Variants in DENND6A observed in about 807,000 individuals in gnomAD.
DENND6A encodes DENN domain containing 6A, also known as protein DENND6A.
A neutral mutation model predicts 95.5 loss-of-function variants in DENND6A; 43 were observed. The ratio of observed to expected loss-of-function variants is 0.45; its 90% CI spans 0.35 to 0.58. The LOEUF is 0.58. Ranked by LOEUF, DENND6A falls within the 20% of genes least tolerant of loss-of-function variation. The pLI is 0.00. For synonymous variants in DENND6A, 257 were observed against 260.4 expected, an observed-to-expected ratio of 0.99 and a Z score of 0.13; for missense variants, 574 against 736.0, an observed-to-expected ratio of 0.78 and a Z score of 2.55.
At chr3:57,646,725 G>T (rs1286549033) in intron 9 of DENND6A, among the ~76,000 whole-genome samples, 1 of 152,106 alleles carries the variant, frequency 6.6e-6, no homozygotes, top group East Asian at 1.9e-4. Flanking sequence ...TTCTCAAATT[G>T]TTGTACCATA....
intron 11 of DENND6A, among the ~76,000 whole-genome samples, 156 bp downstream of exon 11, chr3:57,645,505 G>A (rs2071060302): frequency 6.6e-6 from 1 of 151,894 alleles, no homozygotes; most frequent in Non-Finnish European, 1.5e-5. Context: ...GCTCAAATAA[G>A]GTACTAACTC....
chr3:57,644,788 GGGGAGGGGAGGGGTGGGGAGGGGA>G, intron 11 of DENND6A, among the ~76,000 whole-genome samples: 1 of 10,960 alleles, frequency 9.1e-5, no homozygotes, highest in Non-Finnish European at 1.5e-4. Context: ...GGGGAGGGGT[GGGGAGGGGAGGGGTGGGGAGGGGA>G]GGGGAGGGGG....
intron 3 of DENND6A, among the ~76,000 whole-genome samples, chr3:57,671,124 GA>G (rs1249555398): frequency 1.3e-5 from 2 of 151,974 alleles, no homozygotes; most frequent in East Asian, 3.9e-4. Context: ...AAATGGATAG[GA>G]AAAAAATTCT....
At chr3:57,684,859 T>C (rs1339733766) in intron 1 of DENND6A, among the ~76,000 whole-genome samples, 1 of 152,036 alleles carries the variant, frequency 6.6e-6, no homozygotes, top group Non-Finnish European at 1.5e-5. Flanking sequence ...ATCTCAACAC[T>C]TTGGGAGGTG....
intron 9 of DENND6A, among the ~76,000 whole-genome samples, chr3:57,648,947 C>T (rs917301042): frequency 6.6e-6 from 1 of 152,144 alleles, no homozygotes; most frequent in Admixed American, 6.6e-5. Flanking sequence ...CCCATCCAGG[C>T]ATAAACCTAG....
intron 8 of DENND6A, among the ~76,000 whole-genome samples, chr3:57,658,219 G>C (rs2071363251): frequency 6.6e-6 from 1 of 151,042 alleles, no homozygotes; most frequent in African/African-American, 2.4e-5. Context: ...CTAGGTGACA[G>C]AGCGAGACTC....
chr3:57,630,598 A>C, intron 17 of DENND6A, 75 bp from the exon 18 acceptor site: 1 of 1,524,638 alleles, frequency 6.6e-7, no homozygotes, highest in Non-Finnish European at 8.8e-7. Context: ...TCCTAGTCAG[A>C]GAACCATGTC....
In DENND6A at chr3:57,693,047, T is replaced by C; in HGVS notation, c.-29A>G. The stretch of plus-strand genomic sequence containing the variant: ...CCGCCCCCTGACCGTTCGCGCCGCC[T>C]CCACAGCGGACCGCGCCGCAGAGCG... On this transcript the variant is annotated 5_prime_UTR_variant, in exon 1 of 20. Coordinates refer to ENST00000311128, the MANE Select transcript of DENND6A (RefSeq NM_152678.3). 7.3e-7 allele frequency: 1 copy of C among 1,369,222 alleles called. No homozygotes were observed. Among genetic ancestry groups the C allele is most frequent in the Non-Finnish European group, 9.4e-7 (1 of 1,068,634 alleles). 84.8% of individuals were successfully genotyped at this position (1,369,222 alleles called of 1,614,324 possible).
intron 12 of DENND6A, among the ~76,000 whole-genome samples, chr3:57,636,773 C>T (rs371765936): frequency 1.3e-5 from 2 of 151,662 alleles, no homozygotes; most frequent in Non-Finnish European, 2.9e-5. Flanking sequence ...CCTGTCTCCA[C>T]TAAAAATACA....
At chr3:57,677,215 A>G (rs1200775055) in intron 1 of DENND6A, among the ~76,000 whole-genome samples, 2 of 152,156 alleles carry the variant, frequency 1.3e-5, no homozygotes, top group Non-Finnish European at 2.9e-5. Flanking sequence ...TAAGGCTCTA[A>G]TGGTACCTTC....
At chr3:57,656,008 T>G (rs774200533) in intron 9 of DENND6A, among the ~76,000 whole-genome samples, 25 of 152,244 alleles carry the variant, frequency 1.6e-4, no homozygotes, top group Non-Finnish European at 3.1e-4. Flanking sequence ...TAATATTTAT[T>G]CATTTTGGGG....
At chr3:57,646,246 A>G in intron 10 of DENND6A, 70 bp downstream of exon 10, 1 of 1,541,542 alleles carries the variant, frequency 6.5e-7, no homozygotes, top group Non-Finnish European at 8.7e-7. Flanking sequence ...AGTGCTGCAA[A>G]TATCACCAAC....
chr3:57,673,217 A>C (rs1236554066), intron 1 of DENND6A, among the ~76,000 whole-genome samples: 25 of 149,496 alleles, frequency 1.7e-4, no homozygotes, highest in Admixed American at 6.0e-4. Flanking sequence ...TCGTATCAAA[A>C]AAAAAAAAAA....
rs1206882170 is a variant in DENND6A, at chr3:57,653,941, C to CTTTTTTTTT, written c.818+3730_818+3738dup. Among the ~76,000 whole-genome samples the CTTTTTTTTT allele has an allele frequency of 1.8e-4, 14 of 75,838 alleles. 2 individuals are homozygous for CTTTTTTTTT. Among genetic ancestry groups the CTTTTTTTTT allele is most frequent in the African/African-American group, 2.4e-4 (4 of 16,404 alleles). The allele number at this position is 75,838 out of a possible 152,430, so 49.8% of individuals were successfully genotyped here. A position where few individuals can be genotyped will look rare whatever the true frequency, so the allele number is the denominator to read the frequency against. ...CCTTGGGAAAATAATTAGAAATTCA[C>CTTTTTTTTT]TTTTTTTTTTTTTTTTTTTTTTTTG... On this transcript the variant is annotated intron_variant, in intron 9 of 19. Coordinates refer to ENST00000311128, the MANE Select transcript of DENND6A (RefSeq NM_152678.3).
intron 3 of DENND6A, among the ~76,000 whole-genome samples, chr3:57,671,262 C>G: frequency 6.6e-6 from 1 of 152,120 alleles, no homozygotes; most frequent in South Asian, 2.1e-4. Context: ...TGGTGGCTCA[C>G]GCCTGTAATC....
chr3:57,686,498 T>C (rs1245078388), intron 1 of DENND6A, among the ~76,000 whole-genome samples: 2 of 152,230 alleles, frequency 1.3e-5, no homozygotes, highest in Non-Finnish European at 2.9e-5. Flanking sequence ...TTCTACAAAT[T>C]ACAGGTTTGT....
chr3:57,643,729 A>T (rs1471090411), intron 11 of DENND6A, among the ~76,000 whole-genome samples: 3 of 150,586 alleles, frequency 2.0e-5, no homozygotes, highest in African/African-American at 7.3e-5. Context: ...TGGGAGGCTG[A>T]GGTAGGAGAA....
chr3:57,639,305 T>C (rs1559807467), intron 12 of DENND6A, among the ~76,000 whole-genome samples: 2 of 152,216 alleles, frequency 1.3e-5, no homozygotes, highest in East Asian at 1.9e-4. Flanking sequence ...CCCTCATACA[T>C]TGCTGGTAAG....
chr3:57,668,558 C>T (rs2071562900), intron 3 of DENND6A, among the ~76,000 whole-genome samples: 1 of 152,058 alleles, frequency 6.6e-6, no homozygotes, highest in Non-Finnish European at 1.5e-5. Flanking sequence ...TAAACTTAGG[C>T]TCCTAAAGAT....
Sources: allele counts gnomAD v4.1 joint callset (sites outside exome capture counted in the v4.1 genomes callset), GRCh38; gene constraint gnomAD v4.1.1; transcripts MANE v1.5; gene names NCBI Gene and HGNC (gene_info 2026-07-23, HGNC 2026-07-21).